Variants in SH3KBP1 observed in about 807,000 individuals in gnomAD.
The protein encoded by SH3KBP1 is SH3 domain-containing kinase-binding protein 1.
SH3KBP1 carries 8 observed loss-of-function variants against 50.1 expected under a neutral mutation model. The ratio of observed to expected loss-of-function variants is 0.16; its 90% CI spans 0.09 to 0.29. The LOEUF (loss-of-function observed/expected upper bound fraction) is 0.29. SH3KBP1 is among the 10% of genes least tolerant of loss of function. The pLI is 1.00. For missense variants in SH3KBP1, 377 were observed against 535.2 expected, an observed-to-expected ratio of 0.70 and a Z score of 2.92; for synonymous variants, 227 against 218.6, an observed-to-expected ratio of 1.04 and a Z score of -0.34.
intron 13 of SH3KBP1, 70 bp downstream of exon 13, chrX:19,569,033 G>A (rs1158889453): frequency 1.0e-6 from 1 of 956,501 alleles, no homozygotes; most frequent in Non-Finnish European, 1.5e-6. Flanking sequence ...CATGCTGGTT[G>A]AAGGCAAGCC....
At chrX:19,717,341 T>G (rs1315821214) in intron 3 of SH3KBP1, among the ~76,000 whole-genome samples, 2 of 110,633 alleles carry the variant, frequency 1.8e-5, no homozygotes, top group Non-Finnish European at 3.8e-5. Flanking sequence ...TCCTGAAAGG[T>G]GGAGGGAAAG....
intron 1 of SH3KBP1, among the ~76,000 whole-genome samples, chrX:19,886,029 A>G (rs911357391): frequency 1.1e-4 from 12 of 111,947 alleles, no homozygotes; most frequent in Non-Finnish European, 2.3e-4. Context: ...CGAAAAAAAA[A>G]GGTGTTGTAT....
intron 5 of SH3KBP1, among the ~76,000 whole-genome samples, chrX:19,685,049 G>A (rs763024643): frequency 4.5e-5 from 5 of 112,291 alleles, no homozygotes; most frequent in African/African-American, 1.6e-4. Flanking sequence ...ACTAAACTCT[G>A]TCATTAACCT....
chrX:19,789,689 T>C, intron 2 of SH3KBP1, among the ~76,000 whole-genome samples: 1 of 108,439 alleles, frequency 9.2e-6, no homozygotes, highest in Non-Finnish European at 1.9e-5. Flanking sequence ...TTAAAGGACC[T>C]ATCTCCAAAG....
intron 13 of SH3KBP1, among the ~76,000 whole-genome samples, chrX:19,554,030 T>A (rs60279741): frequency 9.3e-5 from 6 of 64,402 alleles, no homozygotes; most frequent in Non-Finnish European, 1.5e-4. Context: ...TATTAAAATA[T>A]AATATATAAT....
At chrX:19,538,657 G>A (rs1305450290) in intron 16 of SH3KBP1, among the ~76,000 whole-genome samples, 3 of 110,002 alleles carry the variant, frequency 2.7e-5, no homozygotes, top group Non-Finnish European at 5.7e-5. Context: ...GGTGATCTCG[G>A]TTCACTGCAA....
chrX:19,825,765 T>C (rs997739221), intron 2 of SH3KBP1, among the ~76,000 whole-genome samples: 1 of 111,345 alleles, frequency 9.0e-6, no homozygotes, highest in African/African-American at 3.3e-5. Context: ...TCCCAGCTAC[T>C]CCAGAGGCTG....
intron 4 of SH3KBP1, 75 bp downstream of exon 4, chrX:19,706,806 C>T (rs1431880552): frequency 9.1e-6 from 7 of 766,601 alleles, no homozygotes; most frequent in African/African-American, 8.4e-5. Flanking sequence ...TGTAGCAAGG[C>T]GTCTTCATGG....
At chrX:19,644,164 C>G (rs771220862) in intron 7 of SH3KBP1, among the ~76,000 whole-genome samples, 44 of 111,324 alleles carry the variant, frequency 4.0e-4, no homozygotes, top group African/African-American at 1.1e-3. Flanking sequence ...CAGAATTACT[C>G]TAAAACTATA....
intron 12 of SH3KBP1, among the ~76,000 whole-genome samples, chrX:19,575,110 G>C (rs1442531632): frequency 8.9e-6 from 1 of 112,524 alleles, no homozygotes; most frequent in Non-Finnish European, 1.9e-5. Context: ...GTGGAAAACT[G>C]TTGCCACAAG....
intron 1 of SH3KBP1, among the ~76,000 whole-genome samples, chrX:19,837,304 T>C (rs1226788510): frequency 2.7e-5 from 3 of 111,588 alleles, no homozygotes; most frequent in African/African-American, 9.8e-5. Flanking sequence ...TACTTGGTAA[T>C]GAGCAAAGGC....
intron 3 of SH3KBP1, among the ~76,000 whole-genome samples, chrX:19,745,844 C>G (rs1216075609): frequency 8.9e-6 from 1 of 112,810 alleles, no homozygotes; most frequent in Non-Finnish European, 1.9e-5. Context: ...TCTGGTCAGA[C>G]AGATGTGTTA....
chrX:19,754,227 C>T (rs1478647532), intron 2 of SH3KBP1, among the ~76,000 whole-genome samples: 1 of 111,686 alleles, frequency 9.0e-6, no homozygotes, highest in Non-Finnish European at 1.9e-5. Context: ...CTATAAAGAC[C>T]ACAACAAGTA....
intron 12 of SH3KBP1, among the ~76,000 whole-genome samples, chrX:19,586,151 G>C (rs1340315668): frequency 2.7e-5 from 3 of 112,244 alleles, no homozygotes; most frequent in Non-Finnish European, 5.6e-5. Flanking sequence ...AGAGGAAGGA[G>C]GCAAATGGGA....
intron 3 of SH3KBP1, among the ~76,000 whole-genome samples, chrX:19,715,190 C>G (rs2148703722): frequency 9.3e-6 from 1 of 107,436 alleles, no homozygotes; most frequent in South Asian, 4.1e-4. Context: ...GGAGGATTGT[C>G]CGAGCTTGGG....
At chrX:19,681,216 T>C (rs982291409) in intron 6 of SH3KBP1, among the ~76,000 whole-genome samples, 29 of 112,150 alleles carry the variant, frequency 2.6e-4, no homozygotes, top group Non-Finnish European at 5.3e-4. Flanking sequence ...TTCAACGCAC[T>C]TGCGCACACA....
chrX:19,619,673 T>G (rs1372213077), intron 8 of SH3KBP1, among the ~76,000 whole-genome samples: 2 of 111,069 alleles, frequency 1.8e-5, no homozygotes, highest in Non-Finnish European at 3.8e-5. Context: ...TCCCAGCTAT[T>G]TGAAAAGCTG....
chrX:19,870,875 C>A (rs1273311962), intron 1 of SH3KBP1, among the ~76,000 whole-genome samples: 1 of 111,660 alleles, frequency 9.0e-6, no homozygotes, highest in Non-Finnish European at 1.9e-5. Flanking sequence ...CACCAAGCAA[C>A]AACCTCACGG....
intron 3 of SH3KBP1, among the ~76,000 whole-genome samples, chrX:19,745,234 A>G (rs1187574249): frequency 1.8e-5 from 2 of 112,679 alleles, no homozygotes; most frequent in African/African-American, 6.5e-5. Flanking sequence ...TAACAAAACG[A>G]GAAAAGAAAG....
Sources: allele counts gnomAD v4.1 joint callset (sites outside exome capture counted in the v4.1 genomes callset), GRCh38; gene constraint gnomAD v4.1.1; transcripts MANE v1.5; gene names NCBI Gene and HGNC (gene_info 2026-07-23, HGNC 2026-07-21).